KCNJ15: variants seen among roughly 807,000 people sequenced by gnomAD.
The protein encoded by KCNJ15 is potassium inwardly rectifying channel subfamily J member 15, also known as ATP-sensitive inward rectifier potassium channel 15.
In KCNJ15, 14 loss-of-function variants were observed where a neutral mutation model predicts 23.0. The observed-to-expected ratio is 0.61, with a 90% confidence interval of 0.40 to 0.95. KCNJ15 has a LOEUF of 0.95. Among genes scored for constraint, KCNJ15 ranks in the 40% least tolerant of loss-of-function variants. The pLI, the probability that KCNJ15 is intolerant of heterozygous loss-of-function variation, is 0.00. For missense variants in KCNJ15, 388 were observed against 461.8 expected (o/e 0.84, Z 1.46); for synonymous variants, 185 against 183.2 (o/e 1.01, Z -0.08).
At chr21:38,264,739 G>A (rs1981285396) in intron 1 of KCNJ15, among the ~76,000 whole-genome samples, 1 of 152,202 alleles carries the variant, frequency 6.6e-6, no homozygotes, top group South Asian at 2.1e-4. Flanking sequence ...ATTACAAAGT[G>A]ATAGATTGGC....
intron 1 of KCNJ15, among the ~76,000 whole-genome samples, chr21:38,268,071 C>A (rs1185354657): frequency 2.6e-5 from 4 of 152,148 alleles, no homozygotes. Flanking sequence ...GTAACTACAA[C>A]TAAACAAGTC....
chr21:38,256,359 C>CA (rs1980228297), upstream of KCNJ15, among the ~76,000 whole-genome samples: 3 of 41,398 alleles, frequency 7.2e-5, no homozygotes, highest in African/African-American at 2.8e-4. Context: ...GTCTATTCAG[C>CA]TTATATATAT....
chr21:38,236,258 C>T (rs1445368624), intron 1 of KCNJ15, among the ~76,000 whole-genome samples: 1 of 152,208 alleles, frequency 6.6e-6, no homozygotes, highest in African/African-American at 2.4e-5. Flanking sequence ...CCGTCACTTG[C>T]TCTGGCTGGT....
At position 38,299,471 on chromosome 21, in the gene KCNJ15, C is replaced by T. The variant is rs769896777; in HGVS notation, c.210C>T (p.Phe70=). The part of the protein sequence containing the change: ...DMKWRYKLTL[F]AATFVMTWFL... ...AGTGGAGATACAAACTCACCCTGTTCGCTGCCACTTTTGTGATGACCTGGT... is the reference window on the plus strand; with the variant it reads ...AGTGGAGATACAAACTCACCCTGTTTGCTGCCACTTTTGTGATGACCTGGT... The change falls in exon 3 of 3, where the codon TTC becomes TTT. Residue 70 remains phenylalanine, a synonymous_variant. Coordinates refer to ENST00000398938, the MANE Select transcript of KCNJ15 (RefSeq NM_170736.3). The surrounding 1 kb of genome is among the most constrained non-coding windows in gnomAD (Gnocchi z 4.5). 1.6e-5 allele frequency: 26 copies of T among 1,614,056 alleles called. No homozygotes were observed. Among genetic ancestry groups the T allele is most frequent in the Admixed American group, 6.7e-5 (4 of 60,006 alleles).
chr21:38,271,054 C>A (rs992620755), intron 1 of KCNJ15, among the ~76,000 whole-genome samples: 4 of 152,254 alleles, frequency 2.6e-5, no homozygotes, highest in African/African-American at 4.8e-5. Flanking sequence ...CCCAGGCCAG[C>A]AGGGTTTCTG....
intron 1 of KCNJ15, among the ~76,000 whole-genome samples, chr21:38,280,085 C>A (rs193012150): frequency 2.0e-5 from 3 of 152,118 alleles, no homozygotes; most frequent in African/African-American, 7.2e-5. Context: ...CCCTCTTGAA[C>A]ATGTCAAAGT....
rs147714975 is a variant in KCNJ15, at chr21:38,264,949, G to A, written c.-117+7764G>A. ...GAAAAGTAAATACGGAGCCAGCAGG[G>A]TTCAGCATGGGAGTGTGGGCTGGAA... is the stretch of plus-strand genomic sequence containing the variant. On this transcript the variant is annotated intron_variant, in intron 1 of 2. Transcript: ENST00000398938. Among the ~76,000 whole-genome samples the A allele has an allele frequency of 6.2e-3, 941 of 152,300 alleles. 12 individuals are homozygous for A. Among genetic ancestry groups the A allele is most frequent in the African/African-American group, 0.022 (896 of 41,554 alleles).
chr21:38,238,376 C>A, intron 1 of KCNJ15: 1 of 717,406 alleles, frequency 1.4e-6, no homozygotes. Flanking sequence ...CTCGAGGGGT[C>A]CCCATCAGCC....
intron 1 of KCNJ15, among the ~76,000 whole-genome samples, chr21:38,240,582 G>C (rs1978930622): frequency 6.6e-6 from 1 of 152,182 alleles, no homozygotes; most frequent in African/African-American, 2.4e-5. Context: ...TTACAGGGAA[G>C]CCATTCCTTC....
At chr21:38,251,385 C>T (rs995365184) in intron 1 of KCNJ15, among the ~76,000 whole-genome samples, 1 of 152,136 alleles carries the variant, frequency 6.6e-6, no homozygotes, top group Non-Finnish European at 1.5e-5. Flanking sequence ...ACCGGATCAC[C>T]GTTGGGTTCA....
At chr21:38,283,039 G>A (rs1001756777) in intron 1 of KCNJ15, among the ~76,000 whole-genome samples, 1 of 152,160 alleles carries the variant, frequency 6.6e-6, no homozygotes, top group Non-Finnish European at 1.5e-5. Context: ...TTTATCAGCA[G>A]TATCTCTGGG....
At chr21:38,238,182 T>G (rs555830148) in intron 1 of KCNJ15, 1 of 432,788 alleles carries the variant, frequency 2.3e-6, no homozygotes, top group South Asian at 1.9e-5. Flanking sequence ...CTTTAGTCAG[T>G]TGGGAAGCTC....
intron 1 of KCNJ15, among the ~76,000 whole-genome samples, chr21:38,273,610 G>A (rs945472244): frequency 6.6e-6 from 1 of 152,124 alleles, no homozygotes; most frequent in African/African-American, 2.4e-5. Context: ...CAGAATTTAG[G>A]TTGCATATTT....
At chr21:38,245,059 G>A (rs759497710) in intron 1 of KCNJ15, among the ~76,000 whole-genome samples, 2 of 152,014 alleles carry the variant, frequency 1.3e-5, no homozygotes, top group Non-Finnish European at 2.9e-5. Context: ...AAATGGCACA[G>A]ACACCTCCAT....
In KCNJ15 at chr21:38,307,309, A is replaced by T. The variant is rs1216886578; in HGVS notation, c.*6920A>T. 3 of 152,238 alleles carry T rather than the reference A, an allele frequency of 2.0e-5. No homozygotes were observed. The highest frequency in any genetic ancestry group is 1.3e-4 in the Admixed American group (2 of 15,302). 9.4% of individuals were successfully genotyped at this position (152,238 alleles called of 1,614,324 possible). The stretch of plus-strand genomic sequence containing the variant: ...CTCTCCGGATAAATGGAATTACTGT[A>T]ACTTGTGAAACAATGGCAAACACTA... On this transcript the variant is annotated 3_prime_UTR_variant, in exon 3 of 3. Coordinates refer to ENST00000398938, the MANE Select transcript of KCNJ15 (RefSeq NM_170736.3).
At chr21:38,262,384 A>T (rs914651117) in intron 1 of KCNJ15, among the ~76,000 whole-genome samples, 1 of 152,194 alleles carries the variant, frequency 6.6e-6, no homozygotes, top group Non-Finnish European at 1.5e-5. Flanking sequence ...GAAAGAATTT[A>T]TATATGGACA....
At chr21:38,264,163 C>T (rs767325740) in intron 1 of KCNJ15, among the ~76,000 whole-genome samples, 35 of 152,334 alleles carry the variant, frequency 2.3e-4, no homozygotes, top group Admixed American at 9.8e-4. Flanking sequence ...TAGTTTTACA[C>T]GCACTGTATT....
At position 38,300,234 on chromosome 21, in the gene KCNJ15, G is replaced by A; in HGVS notation, c.973G>A (p.Ala325Thr). The A allele has an allele frequency of 6.2e-7, 1 of 1,614,188 alleles. No individual in the cohort carries two copies. Among genetic ancestry groups the A allele is most frequent in the Non-Finnish European group, 8.5e-7 (1 of 1,180,038 alleles). ...TCTCTCCAAAAATGGAAAATATGTG[G>A]CTGATTTCAGTCAGTTTGAACAGAT... ...VSLSKNGKYV[A>T]DFSQFEQIRK... The change falls in exon 3 of 3, where the codon GCT becomes ACT. Residue 325 changes from alanine (A) to threonine (T), a missense_variant. Coordinates refer to ENST00000398938, the MANE Select transcript of KCNJ15 (RefSeq NM_170736.3).
At chr21:38,255,333 G>T (rs1391446874), upstream of KCNJ15, among the ~76,000 whole-genome samples, 1 of 152,188 alleles carries the variant, frequency 6.6e-6, no homozygotes, top group East Asian at 1.9e-4. Context: ...TTAATTCTCA[G>T]TTTTCCCTCT....
Sources: gnomAD v4.1 joint callset for allele counts (sites outside exome capture counted in the v4.1 genomes callset) on GRCh38, gnomAD v4.1.1 for gene constraint, Gnocchi (gnomAD v3.1) non-coding constraint, MANE v1.5 for transcripts, NCBI Gene and HGNC (gene_info 2026-07-23, HGNC 2026-07-21) for gene names.